PIK3CB: variants seen among roughly 807,000 people sequenced by gnomAD.
The protein encoded by PIK3CB is phosphatidylinositol-4,5-bisphosphate 3-kinase catalytic subunit beta, also known as phosphatidylinositol 4,5-bisphosphate 3-kinase catalytic subunit beta isoform.
A neutral mutation model predicts 136.8 loss-of-function variants in PIK3CB; 39 were observed. That is an observed-to-expected ratio of 0.29 (90% CI 0.22 to 0.37). The LOEUF (loss-of-function observed/expected upper bound fraction) is 0.37. PIK3CB is among the 10% of genes least tolerant of loss of function. PIK3CB has a pLI of 1.00. For synonymous variants in PIK3CB, 428 were observed against 436.6 expected (o/e 0.98, Z 0.25); for missense variants, 868 against 1,275.4 (o/e 0.68, Z 4.87).
chr3:138,682,180 A>C, intron 18 of PIK3CB, 135 bp from the exon 19 acceptor site: 1 of 571,248 alleles, frequency 1.8e-6, no homozygotes, highest in Non-Finnish European at 3.1e-6. Flanking sequence ...TTTTATAACA[A>C]ATATTACACT....
In PIK3CB at chr3:138,665,220, G is replaced by A. The variant is rs2108423191; in HGVS notation, c.2505-17C>T. The A allele has an allele frequency of 6.5e-7, 1 of 1,534,454 alleles. No homozygotes were observed. Among genetic ancestry groups the A allele is most frequent in the Non-Finnish European group, 8.8e-7 (1 of 1,133,212 alleles). On this transcript the variant is annotated splice_polypyrimidine_tract_variant and intron_variant, in intron 19 of 23. Coordinates refer to ENST00000674063, the MANE Select transcript of PIK3CB (RefSeq NM_006219.3). ...GGCAACATCCTGGAAGGAAAAAAATGGGCATAGAGTCATATTTTCCTTAAA... is the reference window on the plus strand; with the variant it reads ...GGCAACATCCTGGAAGGAAAAAAATAGGCATAGAGTCATATTTTCCTTAAA...
intron 21 of PIK3CB, among the ~76,000 whole-genome samples, chr3:138,659,643 A>C (rs577574594): frequency 6.6e-6 from 1 of 152,078 alleles, no homozygotes; most frequent in Non-Finnish European, 1.5e-5. Context: ...AGTCATTTTG[A>C]CTTCTAAACT....
chr3:138,684,326 C>T (rs940787067), intron 17 of PIK3CB, among the ~76,000 whole-genome samples: 1 of 152,118 alleles, frequency 6.6e-6, no homozygotes, highest in Non-Finnish European at 1.5e-5. Context: ...CAGTTTGCAA[C>T]ATTTTGCTTA....
At chr3:138,658,829 C>T (rs1284913347) in intron 21 of PIK3CB, among the ~76,000 whole-genome samples, 1 of 152,174 alleles carries the variant, frequency 6.6e-6, no homozygotes, top group East Asian at 1.9e-4. Context: ...ATTAATTCTT[C>T]CCAAACTCTC....
rs187951727 is a variant in PIK3CB at position 138,726,056 on chromosome 3, C to T, written c.1050+7305G>A. 8.2e-4 allele frequency among the ~76,000 whole-genome samples: 125 copies of T among 152,274 alleles called. 1 individual carries two copies. Among genetic ancestry groups the T allele is most frequent in the African/African-American group, 2.6e-3 (110 of 41,556 alleles). ...ATGAGCCTTCTGTGAGCTACAGTTC[C>T]GATACCAGTTCAGTTTTCAAGTCTT... On this transcript the variant is annotated intron_variant, in intron 8 of 23. Coordinates refer to ENST00000674063, the MANE Select transcript of PIK3CB (RefSeq NM_006219.3).
At chr3:138,693,966 T>A (rs1291711720) in intron 14 of PIK3CB, among the ~76,000 whole-genome samples, 574 of 42,240 alleles carry the variant, frequency 0.014, 3 homozygotes, top group South Asian at 0.026. Flanking sequence ...TATATATATA[T>A]TATATATATA....
intron 8 of PIK3CB, among the ~76,000 whole-genome samples, chr3:138,719,692 G>A (rs2044687516): frequency 6.6e-6 from 1 of 151,626 alleles, no homozygotes; most frequent in Non-Finnish European, 1.5e-5. Flanking sequence ...TTTCTCCTGA[G>A]CAATTAAGAA....
At chr3:138,830,545 TC>T (rs1370583365) in intron 1 of PIK3CB, among the ~76,000 whole-genome samples, 1 of 151,614 alleles carries the variant, frequency 6.6e-6, no homozygotes, top group Non-Finnish European at 1.5e-5. Flanking sequence ...AGAGCACGAC[TC>T]CGTCTCAAAC....
Position 138,699,033 on chromosome 3 carries a change from A to G in PIK3CB, c.1644T>C (p.Ser548=), listed in dbSNP as rs756439230. 2.5e-6 allele frequency: 4 copies of G among 1,604,370 alleles called. No homozygotes were observed. The highest frequency in any genetic ancestry group is 3.4e-6 in the Non-Finnish European group (4 of 1,173,152). Residue 548 remains serine (S), a synonymous_variant, in exon 13 of 24, where the codon TCT becomes TCC. Transcript: ENST00000674063. ...GATCCATTTCATTTTCACACAGTTG[A>G]GACAAGGGATCCCTGTCCAAGATTT... ...LKEILDRDPL[S]QLCENEMDLI... is the part of the protein sequence containing the mutation.
chr3:138,768,767 A>C (rs1255002786), intron 2 of PIK3CB, among the ~76,000 whole-genome samples: 1 of 152,196 alleles, frequency 6.6e-6, no homozygotes, highest in African/African-American at 2.4e-5. Flanking sequence ...GCGTGTCAGC[A>C]CTACCCTGAG....
chr3:138,693,678 G>GTT (rs2044058149), intron 14 of PIK3CB, among the ~76,000 whole-genome samples: 2 of 151,962 alleles, frequency 1.3e-5, no homozygotes, highest in Non-Finnish European at 2.9e-5. Flanking sequence ...GGGATTACAG[G>GTT]CATAAGCCAC....
At chr3:138,818,249 C>CA (rs906592209) in intron 1 of PIK3CB, among the ~76,000 whole-genome samples, 5 of 152,182 alleles carry the variant, frequency 3.3e-5, no homozygotes, top group African/African-American at 1.2e-4. Context: ...TGCACACAGC[C>CA]ATGCAGCCAT....
intron 21 of PIK3CB, among the ~76,000 whole-genome samples, chr3:138,661,499 A>G (rs951908626): frequency 6.6e-6 from 1 of 152,182 alleles, no homozygotes; most frequent in African/African-American, 2.4e-5. Flanking sequence ...CTATTTTCCT[A>G]TCATCTTTGA....
intron 12 of PIK3CB, among the ~76,000 whole-genome samples, chr3:138,702,931 C>G (rs1426543983): frequency 6.6e-6 from 1 of 152,134 alleles, no homozygotes. Flanking sequence ...ATCACACCAG[C>G]CTCATCAATT....
intron 21 of PIK3CB, among the ~76,000 whole-genome samples, chr3:138,660,544 T>G (rs1442646054): frequency 6.6e-6 from 1 of 152,070 alleles, no homozygotes; most frequent in African/African-American, 2.4e-5. Context: ...CAGTAGAGAG[T>G]AGAATGGTGG....
chr3:138,664,093 C>T (rs2043356585), intron 20 of PIK3CB, 64 bp from the exon 21 acceptor site: 2 of 1,546,234 alleles, frequency 1.3e-6, no homozygotes, highest in East Asian at 2.3e-5. Context: ...AGAGTGAGAC[C>T]CAAACCATAC....
At chr3:138,810,901 CAG>C (rs1317530781) in intron 1 of PIK3CB, among the ~76,000 whole-genome samples, 1 of 151,250 alleles carries the variant, frequency 6.6e-6, no homozygotes, top group Non-Finnish European at 1.5e-5. Flanking sequence ...GCCTAGGCGA[CAG>C]AGCGAGACTC....
chr3:138,765,027 C>A (rs1329033215), intron 2 of PIK3CB, among the ~76,000 whole-genome samples: 1 of 152,154 alleles, frequency 6.6e-6, no homozygotes, highest in Non-Finnish European at 1.5e-5. Flanking sequence ...ACAAATCCCA[C>A]AGAATTTGTA....
At chr3:138,754,112 G>A (rs563830533) in intron 4 of PIK3CB, among the ~76,000 whole-genome samples, 3 of 151,736 alleles carry the variant, frequency 2.0e-5, no homozygotes, top group Non-Finnish European at 4.4e-5. Context: ...AACTTTTTAT[G>A]GGCATGAGAA....
Sources: gnomAD v4.1 joint callset for allele counts (sites outside exome capture counted in the v4.1 genomes callset) on GRCh38, gnomAD v4.1.1 for gene constraint, MANE v1.5 for transcripts, NCBI Gene and HGNC (gene_info 2026-07-23, HGNC 2026-07-21) for gene names.